NCKAP5: variants seen among roughly 807,000 people sequenced by gnomAD.
NCKAP5 encodes the protein NCK associated protein 5.
NCKAP5 carries 92 observed loss-of-function variants against 167.0 expected under a neutral mutation model. That is an observed-to-expected ratio of 0.55 (90% CI 0.47 to 0.66). The LOEUF (loss-of-function observed/expected upper bound fraction) is 0.66, where lower values mean the gene tolerates loss of function less well. NCKAP5 is among the 30% of genes least tolerant of loss of function. The pLI, the probability that NCKAP5 is intolerant of heterozygous loss-of-function variation, is 0.00. For synonymous variants in NCKAP5, 891 were observed against 877.4 expected (o/e 1.02, Z -0.27); for missense variants, 2,378 against 2,315.0 (o/e 1.03, Z -0.56).
At chr2:133,017,573 GA>G (rs2078380160) in intron 6 of NCKAP5, among the ~76,000 whole-genome samples, 1 of 151,292 alleles carries the variant, frequency 6.6e-6, no homozygotes, top group African/African-American at 2.4e-5. Flanking sequence ...GATTAGTAAT[GA>G]AAAAACAATG....
chr2:133,542,553 T>G (rs939233327), intron 2 of NCKAP5, among the ~76,000 whole-genome samples: 1 of 152,160 alleles, frequency 6.6e-6, no homozygotes, highest in African/African-American at 2.4e-5. Context: ...CCTCAGAACA[T>G]GCCGCCATAT....
intron 8 of NCKAP5, among the ~76,000 whole-genome samples, chr2:132,893,672 A>G (rs1324440749): frequency 6.6e-6 from 1 of 152,162 alleles, no homozygotes; most frequent in African/African-American, 2.4e-5. Flanking sequence ...AAGCAAGCAA[A>G]TTATTATTAC....
chr2:133,587,950 C>A, the NCKAP5 span, among the ~76,000 whole-genome samples: 1 of 152,012 alleles, frequency 6.6e-6, no homozygotes, highest in Non-Finnish European at 1.5e-5. Flanking sequence ...GGATTTATGA[C>A]CCATCAGAGG....
intron 4 of NCKAP5, among the ~76,000 whole-genome samples, chr2:133,245,833 AT>A (rs1166383788): frequency 5.9e-5 from 9 of 151,722 alleles, no homozygotes; most frequent in Admixed American, 1.3e-4. Flanking sequence ...TATTGAAAAA[AT>A]TCCCCCTGCT....
chr2:133,509,151 AT>A (rs1237952284), intron 3 of NCKAP5, among the ~76,000 whole-genome samples: 1 of 152,108 alleles, frequency 6.6e-6, no homozygotes, highest in Non-Finnish European at 1.5e-5. Flanking sequence ...CTACCTAACA[AT>A]TTTTGCATCA....
intron 4 of NCKAP5, among the ~76,000 whole-genome samples, chr2:133,242,249 C>CTTTTTTTTT (rs764246319): frequency 7.1e-6 from 1 of 140,216 alleles, no homozygotes; most frequent in Non-Finnish European, 1.5e-5. Flanking sequence ...TTTTTCTTTT[C>CTTTTTTTTT]TTTTCTTTTC....
Position 133,372,927 on chromosome 2 carries a change from C to A in NCKAP5, c.70-69817G>T, listed in dbSNP as rs112025210. ...CTTCTTTACAGAACTCATTTGGACT[C>A]CAGGAGAATAGCAACATAATCGTAA... On this transcript the variant is annotated intron_variant, in intron 3 of 19. Transcript: ENST00000409261. 9.2e-3 allele frequency among the ~76,000 whole-genome samples: 1,402 copies of A among 152,294 alleles called. 29 individuals are homozygous for A. Among genetic ancestry groups the A allele is most frequent in the African/African-American group, 0.032 (1,341 of 41,550 alleles).
At chr2:133,415,293 T>G (rs1689039656) in intron 3 of NCKAP5, among the ~76,000 whole-genome samples, 1 of 152,256 alleles carries the variant, frequency 6.6e-6, no homozygotes, top group African/African-American at 2.4e-5. Context: ...CAGTCATGCA[T>G]CTGGAAAATT....
chr2:133,207,250 C>G (rs2085992908), intron 5 of NCKAP5, among the ~76,000 whole-genome samples: 1 of 152,120 alleles, frequency 6.6e-6, no homozygotes, highest in African/African-American at 2.4e-5. Flanking sequence ...CAAAATTTCT[C>G]TCTTTGTACT....
intron 3 of NCKAP5, among the ~76,000 whole-genome samples, chr2:133,444,811 C>A (rs539431798): frequency 6.6e-6 from 1 of 152,272 alleles, no homozygotes; most frequent in South Asian, 2.1e-4. Context: ...CTAGCGCTGG[C>A]CTTGCTGCTC....
chr2:132,745,191 G>A (rs1187316304), intron 16 of NCKAP5, among the ~76,000 whole-genome samples: 1 of 151,798 alleles, frequency 6.6e-6, no homozygotes, highest in East Asian at 1.9e-4. Context: ...TCATGAAAAT[G>A]GATGCAAGAA....
chr2:132,814,010 C>G (rs553129585), intron 11 of NCKAP5, among the ~76,000 whole-genome samples: 1 of 152,198 alleles, frequency 6.6e-6, no homozygotes, highest in Non-Finnish European at 1.5e-5. Flanking sequence ...CATTTTACAG[C>G]TCAATGTCCT....
intron 5 of NCKAP5, among the ~76,000 whole-genome samples, chr2:133,146,432 A>AC (rs2149863497): frequency 6.6e-6 from 1 of 152,216 alleles, no homozygotes; most frequent in Admixed American, 6.5e-5. Context: ...AAGCACTACT[A>AC]CCTTAAGAAA....
chr2:133,201,828 T>C (rs957635828), intron 5 of NCKAP5, among the ~76,000 whole-genome samples: 36 of 152,056 alleles, frequency 2.4e-4, no homozygotes, highest in African/African-American at 8.4e-4. Context: ...AACTAGGAGA[T>C]TCTGCGCTTA....
chr2:133,226,654 T>C (rs752626533), intron 4 of NCKAP5, among the ~76,000 whole-genome samples: 31 of 109,002 alleles, frequency 2.8e-4, no homozygotes, highest in Non-Finnish European at 5.1e-4. Flanking sequence ...AAGAACACCA[T>C]GTGAAGATGA....
chr2:133,612,594 G>A, the NCKAP5 span, among the ~76,000 whole-genome samples: 1 of 152,088 alleles, frequency 6.6e-6, no homozygotes, highest in Admixed American at 6.6e-5. Context: ...TAGATTTTAT[G>A]GTGTTAAGTT....
intron 2 of NCKAP5, among the ~76,000 whole-genome samples, chr2:133,547,626 C>G (rs960940483): frequency 6.5e-4 from 98 of 151,412 alleles, no homozygotes; most frequent in African/African-American, 2.3e-3. Flanking sequence ...ACACTGACAC[C>G]TCACACGGCA....
intron 3 of NCKAP5, among the ~76,000 whole-genome samples, chr2:133,358,656 T>C (rs535530168): frequency 5.9e-5 from 9 of 152,340 alleles, no homozygotes; most frequent in African/African-American, 2.2e-4. Flanking sequence ...CAATGTTCTG[T>C]TGTGGCCTGG....
chr2:133,202,070 A>G (rs1454195174), intron 5 of NCKAP5, among the ~76,000 whole-genome samples: 1 of 152,146 alleles, frequency 6.6e-6, no homozygotes, highest in African/African-American at 2.4e-5. Context: ...AAGAGCCCAC[A>G]TTGCCGAGTC....
Sources: gnomAD v4.1 joint callset for allele counts (sites outside exome capture counted in the v4.1 genomes callset) on GRCh38, gnomAD v4.1.1 for gene constraint, MANE v1.5 for transcripts, NCBI Gene and HGNC (gene_info 2026-07-23, HGNC 2026-07-21) for gene names.